Variants in BST1 observed in about 807,000 individuals in gnomAD.
BST1 encodes bone marrow stromal cell antigen 1, also known as ADP-ribosyl cyclase/cyclic ADP-ribose hydrolase 2.
BST1 carries 49 observed loss-of-function variants against 40.6 expected under a neutral mutation model. The ratio of observed to expected loss-of-function variants is 1.21; its 90% CI spans 0.96 to 1.53. The LOEUF is 1.53. BST1 is among the 40% of genes most tolerant of loss of function. The probability of loss-of-function intolerance (pLI) is 0.00; values close to 1 mark genes in which losing one functional copy is unlikely to be tolerated. For missense variants in BST1, 423 were observed against 395.9 expected, an observed-to-expected ratio of 1.07 and a Z score of -0.58; for synonymous variants, 157 against 159.3, an observed-to-expected ratio of 0.99 and a Z score of 0.11.
the BST1 span, among the ~76,000 whole-genome samples, chr4:15,758,964 AGT>A: frequency 6.6e-6 from 1 of 151,950 alleles, no homozygotes; most frequent in Non-Finnish European, 1.5e-5. Context: ...TACACACCTC[AGT>A]GCCTTTTGTA....
chr4:15,750,719 T>C, the BST1 span, among the ~76,000 whole-genome samples: 1 of 152,356 alleles, frequency 6.6e-6, no homozygotes, highest in Admixed American at 6.5e-5. Context: ...TAATAATTGT[T>C]ATATTGATTA....
chr4:15,750,355 G>A, the BST1 span, among the ~76,000 whole-genome samples: 1 of 152,160 alleles, frequency 6.6e-6, no homozygotes, highest in African/African-American at 2.4e-5. Flanking sequence ...ACAAATAAGT[G>A]TGAACATGTG....
chr4:15,761,238 G>T, the BST1 span, among the ~76,000 whole-genome samples: 1 of 151,806 alleles, frequency 6.6e-6, no homozygotes, highest in East Asian at 1.9e-4. Context: ...TGGAGATGGG[G>T]TTTCTCCATG....
chr4:15,709,720 G>T (rs1720081709), intron 3 of BST1, among the ~76,000 whole-genome samples: 1 of 152,118 alleles, frequency 6.6e-6, no homozygotes, highest in Non-Finnish European at 1.5e-5. Flanking sequence ...AACCATATGT[G>T]TATGTCATGG....
At chr4:15,723,735 G>A (rs991828054) in intron 8 of BST1, 1 of 619,552 alleles carries the variant, frequency 1.6e-6, no homozygotes, top group Non-Finnish European at 2.0e-6. Context: ...GAATGTGTGT[G>A]TATTTTAAAT....
At chr4:15,752,251 G>A in the BST1 span, among the ~76,000 whole-genome samples, 7 of 152,106 alleles carry the variant, frequency 4.6e-5, no homozygotes, top group South Asian at 2.1e-4. Flanking sequence ...TTGTATTTTC[G>A]AAGGTGATGC....
At chr4:15,750,747 G>A in the BST1 span, among the ~76,000 whole-genome samples, 1 of 152,166 alleles carries the variant, frequency 6.6e-6, no homozygotes, top group African/African-American at 2.4e-5. Flanking sequence ...AAATGATCAT[G>A]CTTGTTTTGC....
chr4:15,762,995 T>C, the BST1 span, among the ~76,000 whole-genome samples: 1 of 152,040 alleles, frequency 6.6e-6, no homozygotes, highest in Non-Finnish European at 1.5e-5. Flanking sequence ...ATCTTGGCTA[T>C]TGTGAATAAT....
the BST1 span, among the ~76,000 whole-genome samples, chr4:15,745,167 A>G: frequency 1.8e-3 from 267 of 152,326 alleles, 9 homozygotes; most frequent in South Asian, 0.052. Context: ...TTATGGAAGA[A>G]TGAATTAGAG....
intron 8 of BST1, among the ~76,000 whole-genome samples, chr4:15,726,584 G>A (rs1324986279): frequency 6.6e-6 from 1 of 152,222 alleles, no homozygotes. Flanking sequence ...TAGTGGTATA[G>A]ACTTTCTAAG....
intron 8 of BST1, among the ~76,000 whole-genome samples, chr4:15,728,340 G>C (rs180942043): frequency 1.3e-5 from 2 of 151,988 alleles, no homozygotes; most frequent in Admixed American, 1.3e-4. Context: ...TGTATGTTTT[G>C]GTATTTAATT....
At chr4:15,755,747 T>C in the BST1 span, among the ~76,000 whole-genome samples, 40 of 152,290 alleles carry the variant, frequency 2.6e-4, no homozygotes, top group African/African-American at 8.9e-4. Context: ...TTTATGCATC[T>C]GTGAGTGTGT....
chr4:15,747,981 TTA>T, the BST1 span, among the ~76,000 whole-genome samples: 1 of 152,212 alleles, frequency 6.6e-6, no homozygotes, highest in South Asian at 2.1e-4. Context: ...CCAGCCAACC[TTA>T]TCTCATTTAT....
At chr4:15,752,742 G>A in the BST1 span, among the ~76,000 whole-genome samples, 1 of 152,026 alleles carries the variant, frequency 6.6e-6, no homozygotes, top group Non-Finnish European at 1.5e-5. Context: ...TTTGAGGAAC[G>A]GCAAGGAGGC....
intron 3 of BST1, among the ~76,000 whole-genome samples, chr4:15,708,744 G>A (rs909949182): frequency 6.6e-6 from 1 of 152,080 alleles, no homozygotes; most frequent in Non-Finnish European, 1.5e-5. Flanking sequence ...AGCCAGGTAT[G>A]GTGGTGCATG....
At chr4:15,772,373 C>T in the BST1 span, among the ~76,000 whole-genome samples, 1 of 152,170 alleles carries the variant, frequency 6.6e-6, no homozygotes, top group African/African-American at 2.4e-5. Flanking sequence ...GGGAACACAG[C>T]AAGGTCAGAA....
intron 3 of BST1, among the ~76,000 whole-genome samples, chr4:15,708,130 G>C (rs112094714): frequency 3.1e-4 from 47 of 152,198 alleles, no homozygotes; most frequent in African/African-American, 1.1e-3. Context: ...TTGTCCAGAG[G>C]GGGAAGCTGA....
chr4:15,767,172 C>G, the BST1 span, among the ~76,000 whole-genome samples: 1 of 152,276 alleles, frequency 6.6e-6, no homozygotes, highest in Non-Finnish European at 1.5e-5. Flanking sequence ...GCGGATAACC[C>G]TGCAGAAAAT....
At chr4:15,715,561 G>A in intron 5 of BST1, 146 bp from the exon 6 acceptor site, 1 of 770,292 alleles carries the variant, frequency 1.3e-6, no homozygotes, top group Non-Finnish European at 2.0e-6. Context: ...ATGAATACAG[G>A]AATAAAAAGT....
Sources: gnomAD v4.1 joint callset for allele counts (sites outside exome capture counted in the v4.1 genomes callset) on GRCh38, gnomAD v4.1.1 for gene constraint, MANE v1.5 for transcripts, NCBI Gene and HGNC (gene_info 2026-07-23, HGNC 2026-07-21) for gene names.